DSCAML1: variants seen among roughly 807,000 people sequenced by gnomAD.
DSCAML1 encodes DS cell adhesion molecule like 1.
Under a neutral mutation model 200.5 loss-of-function variants are expected in DSCAML1, and 38 were observed. The observed-to-expected ratio is 0.19, with a 90% CI of 0.15 to 0.25. The LOEUF (loss-of-function observed/expected upper bound fraction) is 0.25. DSCAML1 is among the 10% of genes least tolerant of loss of function. DSCAML1 has a pLI of 1.00. For synonymous variants in DSCAML1, 1,215 were observed against 1,165.0 expected (o/e 1.04, Z -0.87); for missense variants, 2,223 against 2,858.8 (o/e 0.78, Z 5.07).
At chr11:117,433,332 G>T in intron 28 of DSCAML1, 76 bp from the exon 29 acceptor site, 1 of 1,568,102 alleles carries the variant, frequency 6.4e-7, no homozygotes, top group Admixed American at 1.8e-5. Flanking sequence ...AGGACAGTGG[G>T]ATTTTAGAAG....
Position 117,809,216 on chromosome 11 carries a change from C to T in DSCAML1, c.-250+8174G>A, listed in dbSNP as rs148677341. Among the ~76,000 whole-genome samples, 780 of 152,342 alleles carry T rather than the reference C, an allele frequency of 5.1e-3. 5 individuals carry two copies. Among genetic ancestry groups the T allele is most frequent in the African/African-American group, 0.018 (729 of 41,574 alleles). ...TCAGGAGAAGTCTTGCCTCATTTGGCGAAGGGGCTCAGTGCAGACCTCCAG... is the reference window on the plus strand; with the variant it reads ...TCAGGAGAAGTCTTGCCTCATTTGGTGAAGGGGCTCAGTGCAGACCTCCAG... On this transcript the variant is annotated intron_variant, in intron 1 of 2. Coordinates refer to the DSCAML1 transcript ENST00000525836.
chr11:117,762,708 C>T (rs1163868065), intron 3 of DSCAML1, among the ~76,000 whole-genome samples: 5 of 151,878 alleles, frequency 3.3e-5, no homozygotes, highest in Non-Finnish European at 7.4e-5. Flanking sequence ...ACTAAAATTA[C>T]AAAAATTAGT....
At chr11:117,529,074 T>C (rs1014812806) in intron 4 of DSCAML1, among the ~76,000 whole-genome samples, 2 of 151,994 alleles carry the variant, frequency 1.3e-5, no homozygotes, top group Non-Finnish European at 2.9e-5. Context: ...GGTATTTATT[T>C]ATTTATTTAT....
At chr11:117,727,465 C>T (rs190564772) in intron 3 of DSCAML1, among the ~76,000 whole-genome samples, 79 of 152,264 alleles carry the variant, frequency 5.2e-4, no homozygotes, top group Admixed American at 2.2e-3. Flanking sequence ...ACTCACTCAC[C>T]CTAAGTTGGG....
rs545065546 is a variant in DSCAML1, at chr11:117,465,626, A to C, written c.3025-444T>G. On this transcript the variant is annotated intron_variant, in intron 16 of 32. Coordinates refer to ENST00000651296, the MANE Select transcript of DSCAML1 (RefSeq NM_020693.4). ...AGTCTATAAATTTCACTTATGCATT[A>C]GTGAAATTTGCCTGTCTGCCTGCAT... is the stretch of plus-strand genomic sequence containing the variant. Among the ~76,000 whole-genome samples the C allele has an allele frequency of 2.6e-5, 4 of 152,296 alleles. No individual in the cohort carries two copies. In the South Asian group the frequency reaches 8.3e-4, roughly 32 times the overall value.
rs1267817504 is a variant in DSCAML1, at chr11:117,471,894, C to G, written c.2928G>C (p.Glu976Asp). 3 of 1,612,446 alleles carry G rather than the reference C, an allele frequency of 1.9e-6. No homozygotes were observed. The highest frequency in any genetic ancestry group is 2.5e-6 in the Non-Finnish European group (3 of 1,179,646). The change falls in exon 15 of 33, where the codon GAG becomes GAC. Residue 976 changes from glutamate (E) to aspartate (D), a missense_variant. Transcript: ENST00000651296. ...CGGCCTCCTCAGTGCTGATGGTGAG[C>G]TCCTTGCTTGGTTCACTGCGGCCAA... is the stretch of plus-strand genomic sequence containing the variant. ...NKIGRSEPSK[E>D]LTISTEEAAP... is the part of the protein sequence containing the mutation.
At chr11:117,486,340 G>A (rs1407275931) in intron 11 of DSCAML1, among the ~76,000 whole-genome samples, 7 of 151,110 alleles carry the variant, frequency 4.6e-5, no homozygotes, top group South Asian at 2.1e-4. Flanking sequence ...TGAAAATGGC[G>A]GATGTGATAA....
intron 1 of DSCAML1, among the ~76,000 whole-genome samples, chr11:117,806,383 A>G (rs1465546205): frequency 6.6e-6 from 1 of 152,210 alleles, no homozygotes; most frequent in Non-Finnish European, 1.5e-5. Flanking sequence ...CATCTGGCAC[A>G]TGGCAGTTCA....
chr11:117,461,471 A>G lies in DSCAML1; in HGVS notation c.3391T>C (p.Trp1131Arg), dbSNP rs767709168. 5.0e-6 allele frequency: 8 copies of G among 1,614,202 alleles called. No individual in the cohort carries two copies. In the South Asian group the frequency reaches 6.6e-5, roughly 13 times the overall value. Residue 1131 changes from tryptophan to arginine, a missense_variant, in exon 18 of 33, where the codon TGG becomes CGG. By Grantham distance (101) the Trp-to-Arg change is moderately radical. Around this residue, in one of 7 missense-constraint regions of DSCAML1, gnomAD observed 438 missense variants for 629.7 expected, o/e 0.70. Coordinates refer to ENST00000651296, the MANE Select transcript of DSCAML1 (RefSeq NM_020693.4). ...GVLKGYRVIFWSLYVDGEWGE... is the reference protein window; with the variant it reads ...GVLKGYRVIFRSLYVDGEWGE... ...TCACCCCCATCAACATAGAGGGACC[A>G]GAAGATGACCCGATAGCCTTTGAGG...
intron 15 of DSCAML1, among the ~76,000 whole-genome samples, chr11:117,471,525 A>C (rs200392837): frequency 6.6e-6 from 1 of 152,136 alleles, no homozygotes. Flanking sequence ...AGCAAGATAA[A>C]CCTTGTTTAA....
rs531117519 is a variant in DSCAML1 at position 117,708,849 on chromosome 11, G to A, written c.511+67942C>T. ...CACATGGCAGAGTACAAAGTGGGGG[G>A]TGGGATGTCAGATGTAGGCTCCCAT... On this transcript the variant is annotated intron_variant, in intron 3 of 32. Coordinates refer to ENST00000651296, the MANE Select transcript of DSCAML1 (RefSeq NM_020693.4). Among the ~76,000 whole-genome samples the A allele has an allele frequency of 6.6e-5, 10 of 152,312 alleles. No homozygotes were observed. In the East Asian group the frequency reaches 1.9e-3, roughly 29 times the overall value.
At chr11:117,698,687 C>T (rs2053621878) in intron 3 of DSCAML1, among the ~76,000 whole-genome samples, 1 of 152,166 alleles carries the variant, frequency 6.6e-6, no homozygotes, top group Non-Finnish European at 1.5e-5. Flanking sequence ...CGATGCTGAG[C>T]ATCTTTTCAT....
intron 3 of DSCAML1, among the ~76,000 whole-genome samples, chr11:117,644,254 A>C (rs2052474430): frequency 6.6e-6 from 1 of 152,260 alleles, no homozygotes. Flanking sequence ...CCGAGGAAAC[A>C]AGCGGATATT....
chr11:117,691,196 G>A, intron 3 of DSCAML1, among the ~76,000 whole-genome samples: 1 of 152,162 alleles, frequency 6.6e-6, no homozygotes, highest in East Asian at 1.9e-4. Flanking sequence ...GTTACGTGAG[G>A]AAGCAGGTGG....
At chr11:117,449,846 A>G (rs1252201771) in intron 20 of DSCAML1, among the ~76,000 whole-genome samples, 1 of 152,100 alleles carries the variant, frequency 6.6e-6, no homozygotes, top group Admixed American at 6.5e-5. Flanking sequence ...GGCAGAGGGG[A>G]AAATACATAT....
At chr11:117,454,210 C>T (rs552899311) in intron 19 of DSCAML1, among the ~76,000 whole-genome samples, 66 of 152,198 alleles carry the variant, frequency 4.3e-4, no homozygotes, top group South Asian at 4.2e-3. Flanking sequence ...CAGCATCACC[C>T]GGGAGCACGT....
chr11:117,541,904 A>G (rs191818331), intron 3 of DSCAML1, among the ~76,000 whole-genome samples: 1 of 152,230 alleles, frequency 6.6e-6, no homozygotes, highest in Admixed American at 6.5e-5. Context: ...TAGATTGGAA[A>G]TGCTACCCCC....
intron 3 of DSCAML1, among the ~76,000 whole-genome samples, chr11:117,637,772 T>C (rs2052322467): frequency 6.6e-6 from 1 of 152,224 alleles, no homozygotes; most frequent in African/African-American, 2.4e-5. Context: ...GAGGTCTTAC[T>C]AGGACTACAT....
At chr11:117,667,378 C>T (rs1458692363) in intron 3 of DSCAML1, among the ~76,000 whole-genome samples, 1 of 152,220 alleles carries the variant, frequency 6.6e-6, no homozygotes, top group African/African-American at 2.4e-5. Flanking sequence ...CACCACTGCA[C>T]TCCAGCCTGG....
Sources: gnomAD v4.1 joint callset for allele counts (sites outside exome capture counted in the v4.1 genomes callset) on GRCh38, gnomAD v4.1.1 for gene constraint, gnomAD v4.1.1 regional missense constraint, MANE v1.5 for transcripts, NCBI Gene and HGNC (gene_info 2026-07-23, HGNC 2026-07-21) for gene names.